Variants in PPP2R1A observed in about 807,000 individuals in gnomAD.
The protein encoded by PPP2R1A is protein phosphatase 2 scaffold subunit Aalpha, also known as serine/threonine-protein phosphatase 2A 65 kDa regulatory subunit A alpha isoform.
A neutral mutation model predicts 67.1 loss-of-function variants in PPP2R1A; 15 were observed. That is an observed-to-expected ratio of 0.22 (90% CI 0.15 to 0.34). The LOEUF is 0.34. Among genes scored for constraint, PPP2R1A ranks in the 10% least tolerant of loss-of-function variants. PPP2R1A has a pLI of 1.00. For synonymous variants in PPP2R1A, 337 were observed against 325.0 expected, an observed-to-expected ratio of 1.04 and a Z score of -0.40; for missense variants, 369 against 775.0, an observed-to-expected ratio of 0.48 and a Z score of 6.22.
At position 52,211,667 on chromosome 19, in the gene PPP2R1A, C is replaced by G; in HGVS notation, c.503+175C>G. On this transcript the variant is annotated intron_variant, in intron 4 of 14. Transcript: ENST00000322088. This position sits in a 1 kb window ranked among gnomAD's most constrained non-coding sequence, Gnocchi z 5.3. ...TCGAGAGTTGGTCTCTGGACACGGC[C>G]ACGTGTCAGTTTACCCACCTCTGCC... 1.5e-6 allele frequency: 1 copy of G among 659,010 alleles called. No homozygotes were observed. Among genetic ancestry groups the G allele is most frequent in the Non-Finnish European group, 2.6e-6 (1 of 391,118 alleles). The allele number at this position is 659,010 out of a possible 1,614,324, so 40.8% of individuals were successfully genotyped here.
intron 1 of PPP2R1A, among the ~76,000 whole-genome samples, chr19:52,192,545 C>A (rs1348919593): frequency 6.6e-6 from 1 of 152,090 alleles, no homozygotes; most frequent in Admixed American, 6.5e-5. Context: ...GACTCCTGAT[C>A]TCAGGTGATC....
In PPP2R1A at chr19:52,216,168, T is replaced by G; in HGVS notation, c.993+94T>G. ...GCTTTGGGGATAGTCAGCTGCAAAC[T>G]AGGTTCCCAGCCCTCTGGGACCAGG... is the stretch of plus-strand genomic sequence containing the variant. On this transcript the variant is annotated intron_variant, in intron 8 of 14. Coordinates refer to ENST00000322088, the MANE Select transcript of PPP2R1A (RefSeq NM_014225.6). The surrounding 1 kb of genome is among the most constrained non-coding windows in gnomAD (Gnocchi z 4.3). 1 of 1,400,222 alleles carries G rather than the reference T, an allele frequency of 7.1e-7. No homozygotes were observed. 86.7% of individuals were successfully genotyped at this position (1,400,222 alleles called of 1,614,324 possible).
intron 3 of PPP2R1A, among the ~76,000 whole-genome samples, chr19:52,208,334 A>G (rs1207766887): frequency 6.6e-6 from 1 of 151,352 alleles, no homozygotes; most frequent in East Asian, 2.0e-4. Flanking sequence ...GCACCCAGCT[A>G]ATTTTTGCAT....
In PPP2R1A at chr19:52,216,288, G is replaced by A. The variant is rs1978567116; in HGVS notation, c.993+214G>A. Among the ~76,000 whole-genome samples, 1 of 152,140 alleles carries A rather than the reference G, an allele frequency of 6.6e-6. No individual in the cohort carries two copies. Among genetic ancestry groups the A allele is most frequent in the Non-Finnish European group, 1.5e-5 (1 of 68,026 alleles). ...TTTCTAGAACCTCAGATGTCACTGA[G>A]TCCTGTCATTCACAGGGTTTTGGGG... On this transcript the variant is annotated intron_variant, in intron 8 of 14. Transcript: ENST00000322088. The surrounding 1 kb of genome is among the most constrained non-coding windows in gnomAD (Gnocchi z 4.3).
chr19:52,201,434 T>G (rs2089548073), intron 1 of PPP2R1A: 1 of 153,762 alleles, frequency 6.5e-6, no homozygotes, highest in Non-Finnish European at 1.5e-5. Context: ...CTTAGCTGTC[T>G]GACCCTGAGA....
At position 52,211,541 on chromosome 19, in the gene PPP2R1A, C is replaced by T. The variant is rs1158999582; in HGVS notation, c.503+49C>T. ...CTCCAAGCTCCCATCTCAGCTCCAA[C>T]CTTCTCTAAAGCCTCAGACTCCTTT... On this transcript the variant is annotated intron_variant, in intron 4 of 14. Transcript: ENST00000322088. This position sits in a 1 kb window ranked among gnomAD's most constrained non-coding sequence, Gnocchi z 5.3. 1.3e-6 allele frequency: 2 copies of T among 1,551,494 alleles called. No homozygotes were observed. The highest frequency in any genetic ancestry group is 1.4e-5 in the African/African-American group (1 of 73,354).
rs1474471141 is a variant in PPP2R1A at position 52,227,622 on chromosome 19, G to C, written c.*1641G>C. Reference sequence around the variant, plus strand: ...TGGTGGAAGGGAAATGTGGCTTTGAGTGACAAGGTGATTTCACCAGCTCAG... The same window carrying C: ...TGGTGGAAGGGAAATGTGGCTTTGACTGACAAGGTGATTTCACCAGCTCAG... On this transcript the variant is annotated 3_prime_UTR_variant, in exon 15 of 15. Transcript: ENST00000322088. The C allele has an allele frequency of 6.6e-6, 1 of 152,142 alleles. No homozygotes were observed. Among genetic ancestry groups the C allele is most frequent in the Non-Finnish European group, 1.5e-5 (1 of 68,044 alleles). 9.4% of individuals were successfully genotyped at this position (152,142 alleles called of 1,614,324 possible).
chr19:52,194,488 T>C (rs1375069492), intron 1 of PPP2R1A, among the ~76,000 whole-genome samples: 1 of 152,100 alleles, frequency 6.6e-6, no homozygotes, highest in African/African-American at 2.4e-5. Context: ...TCTGGTATAA[T>C]TTTAAAGGAT....
intron 1 of PPP2R1A, among the ~76,000 whole-genome samples, chr19:52,194,849 G>C (rs930554741): frequency 6.6e-6 from 1 of 152,168 alleles, no homozygotes; most frequent in African/African-American, 2.4e-5. Context: ...CATATGGTGG[G>C]GATTGAGCAG....
At chr19:52,225,625 G>A in intron 13 of PPP2R1A, 92 bp from the exon 14 acceptor site, 1 of 1,165,846 alleles carries the variant, frequency 8.6e-7, no homozygotes, top group Non-Finnish European at 1.3e-6. Flanking sequence ...CCGTGTCTGT[G>A]TACACTCTCT....
At chr19:52,194,593 C>T (rs2122281752) in intron 1 of PPP2R1A, among the ~76,000 whole-genome samples, 1 of 151,992 alleles carries the variant, frequency 6.6e-6, no homozygotes, top group South Asian at 2.1e-4. Flanking sequence ...AGTATGGTTA[C>T]AGTCAGGACA....
At position 52,200,407 on chromosome 19, in the gene PPP2R1A, CT is replaced by C. The variant is rs1295708350; in HGVS notation, c.79-1534del. 2.0e-5 allele frequency: 3 copies of C among 152,324 alleles called. No individual in the cohort carries two copies. The East Asian group carries it at 5.8e-4, about 29-fold the overall frequency. The allele number at this position is 152,324 out of a possible 1,614,324, so 9.4% of individuals were successfully genotyped here. ...CCTCGGTGCTTGCTTTGGTAGGTGT[CT>C]TTACCTCTCTGATCGTCACTTTCCA... On this transcript the variant is annotated intron_variant, in intron 1 of 14. Transcript: ENST00000322088.
chr19:52,205,862 G>A (rs1296312954), intron 2 of PPP2R1A, 101 bp from the exon 3 acceptor site: 6 of 944,944 alleles, frequency 6.3e-6, no homozygotes, highest in South Asian at 1.5e-5. Context: ...AGAACTGAGT[G>A]CTGACAGCCT....
intron 13 of PPP2R1A, among the ~76,000 whole-genome samples, chr19:52,224,424 T>C (rs1244389678): frequency 6.6e-6 from 1 of 152,224 alleles, no homozygotes; most frequent in Non-Finnish European, 1.5e-5. Context: ...ACTCCCCTCT[T>C]ACGTACCAGT....
chr19:52,212,891 A>C lies in PPP2R1A; in HGVS notation c.651+58A>C. The C allele has an allele frequency of 6.4e-7, 1 of 1,566,752 alleles. No individual in the cohort carries two copies. Among genetic ancestry groups the C allele is most frequent in the South Asian group, 1.2e-5 (1 of 83,280 alleles). Reference sequence around the variant, plus strand: ...GTCCTTCTGGTGGTTCCTGCCCATGAAAGAGAATCCCAGAGCTCAGCAAGG... The same window carrying C: ...GTCCTTCTGGTGGTTCCTGCCCATGCAAGAGAATCCCAGAGCTCAGCAAGG... On this transcript the variant is annotated intron_variant, in intron 5 of 14. Transcript: ENST00000322088. This position sits in a 1 kb window ranked among gnomAD's most constrained non-coding sequence, Gnocchi z 4.1.
chr19:52,191,392 T>C (rs1340276430), intron 1 of PPP2R1A: 1 of 152,178 alleles, frequency 6.6e-6, no homozygotes, highest in Middle Eastern at 3.2e-3. Flanking sequence ...AAATAAAAAG[T>C]AGAATGGTGT....
At chr19:52,218,719 G>A (rs1978733854) in intron 9 of PPP2R1A, among the ~76,000 whole-genome samples, 1 of 152,158 alleles carries the variant, frequency 6.6e-6, no homozygotes, top group Admixed American at 6.5e-5. Context: ...CAGCGTTTTG[G>A]GGATCATTTT....
chr19:52,199,254 C>T (rs998256624), intron 1 of PPP2R1A, among the ~76,000 whole-genome samples: 2 of 152,128 alleles, frequency 1.3e-5, no homozygotes, highest in African/African-American at 2.4e-5. Context: ...GCAAGCTCCA[C>T]CTCCCAGGTT....
intron 3 of PPP2R1A, 58 bp downstream of exon 3, chr19:52,206,121 C>G: frequency 1.3e-6 from 2 of 1,500,194 alleles, no homozygotes; most frequent in Non-Finnish European, 1.8e-6. Context: ...CATGGTCCTG[C>G]CGGCCTAGGG....
Sources: allele counts gnomAD v4.1 joint callset (sites outside exome capture counted in the v4.1 genomes callset), GRCh38; gene constraint gnomAD v4.1.1; non-coding constraint Gnocchi (gnomAD v3.1); transcripts MANE v1.5; gene names NCBI Gene and HGNC (gene_info 2026-07-23, HGNC 2026-07-21).